The following MCTP1 variants were observed in gnomAD, a reference collection of about 807,000 sequenced individuals.
The protein encoded by MCTP1 is multiple C2 and transmembrane domain-containing protein 1.
Under a neutral mutation model 120.6 loss-of-function variants are expected in MCTP1, and 69 were observed. That is an observed-to-expected ratio of 0.57 (90% CI 0.47 to 0.70). The LOEUF (loss-of-function observed/expected upper bound fraction) is 0.70, where lower values mean the gene tolerates loss of function less well. MCTP1 is among the 30% of genes least tolerant of loss of function. The pLI, the probability that MCTP1 is intolerant of heterozygous loss-of-function variation, is 0.00. For synonymous variants in MCTP1, 529 were observed against 493.1 expected (o/e 1.07, Z -0.96); for missense variants, 1,203 against 1,248.8 (o/e 0.96, Z 0.55).
At chr5:95,114,337 C>T in intron 1 of MCTP1, among the ~76,000 whole-genome samples, 1 of 152,214 alleles carries the variant, frequency 6.6e-6, no homozygotes, top group East Asian at 1.9e-4. Flanking sequence ...AACAGAGCAC[C>T]AAGCAGGCTA....
intron 1 of MCTP1, among the ~76,000 whole-genome samples, chr5:95,035,121 G>A (rs1841038156): frequency 2.0e-5 from 3 of 151,908 alleles, no homozygotes; most frequent in Admixed American, 2.0e-4. Context: ...CACTGTTGGT[G>A]GGAATATAAA....
At chr5:95,051,476 G>T (rs1745879680) in intron 1 of MCTP1, among the ~76,000 whole-genome samples, 1 of 152,036 alleles carries the variant, frequency 6.6e-6, no homozygotes. Context: ...ACCTACCAGG[G>T]GAACACTCTG....
Position 94,889,092 on chromosome 5 carries a change from TTAAAC to T in MCTP1, c.1840-125_1840-121del, listed in dbSNP as rs1801959437. 3 of 602,212 alleles carry T rather than the reference TTAAAC, an allele frequency of 5.0e-6. No individual in the cohort carries two copies. The East Asian group carries it at 8.6e-5, about 17-fold the overall frequency. 37.3% of individuals were successfully genotyped at this position (602,212 alleles called of 1,614,324 possible). A position where few individuals can be genotyped will look rare whatever the true frequency, so the allele number is the denominator to read the frequency against. On this transcript the variant is annotated intron_variant, in intron 11 of 22. Coordinates refer to ENST00000515393, the MANE Select transcript of MCTP1 (RefSeq NM_024717.7). ...GACTCTGGGGGTAAGAAGATCAACA[TTAAAC>T]TAACTAATTTTTTTTTTTACTGTTT...
intron 1 of MCTP1, among the ~76,000 whole-genome samples, chr5:95,038,592 C>G (rs1214112213): frequency 1.3e-5 from 2 of 152,062 alleles, no homozygotes; most frequent in African/African-American, 4.8e-5. Context: ...CCAGAGAAAC[C>G]TGACAAACTA....
intron 1 of MCTP1, among the ~76,000 whole-genome samples, chr5:95,151,797 T>C (rs1333355233): frequency 6.6e-6 from 1 of 152,194 alleles, no homozygotes; most frequent in Non-Finnish European, 1.5e-5. Context: ...GTCTCTTACT[T>C]TGGCATTTCC....
intron 1 of MCTP1, among the ~76,000 whole-genome samples, chr5:95,139,531 C>A (rs928104669): frequency 4.6e-5 from 7 of 152,112 alleles, no homozygotes; most frequent in African/African-American, 1.7e-4. Context: ...TTTTCCAAAG[C>A]TATTTTAGCC....
At chr5:94,799,473 C>A (rs1417218889) in intron 17 of MCTP1, among the ~76,000 whole-genome samples, 5 of 152,104 alleles carry the variant, frequency 3.3e-5, no homozygotes, top group Non-Finnish European at 7.4e-5. Context: ...GCTACACTGT[C>A]AGAAATACCC....
intron 1 of MCTP1, among the ~76,000 whole-genome samples, chr5:95,279,884 T>C (rs1450764557): frequency 2.0e-5 from 3 of 152,216 alleles, no homozygotes; most frequent in African/African-American, 7.2e-5. Context: ...ACTTTCAATA[T>C]GAAAGGGGTC....
At chr5:94,751,732 G>A (rs147086077) in intron 19 of MCTP1, among the ~76,000 whole-genome samples, 2,466 of 152,166 alleles carry the variant, frequency 0.016, 27 homozygotes, top group Middle Eastern at 0.044. Context: ...CCTTGATTGC[G>A]CACAATGCTG....
At chr5:94,724,834 C>T (rs1297508831) in intron 19 of MCTP1, among the ~76,000 whole-genome samples, 2 of 152,114 alleles carry the variant, frequency 1.3e-5, no homozygotes, top group Non-Finnish European at 2.9e-5. Context: ...CCATCTCAGG[C>T]TTTTGTCCCA....
chr5:94,859,136 C>A (rs1339880149), intron 17 of MCTP1, among the ~76,000 whole-genome samples: 2 of 151,634 alleles, frequency 1.3e-5, no homozygotes, highest in African/African-American at 2.4e-5. Flanking sequence ...TGGTAGAAGT[C>A]TGATACTCTG....
intron 1 of MCTP1, among the ~76,000 whole-genome samples, chr5:95,024,833 T>C (rs1298783664): frequency 1.3e-5 from 2 of 152,006 alleles, no homozygotes; most frequent in East Asian, 3.8e-4. Context: ...TACAATATCA[T>C]AAAAAATACT....
intron 1 of MCTP1, among the ~76,000 whole-genome samples, chr5:95,029,579 T>C (rs573330099): frequency 6.6e-6 from 1 of 152,158 alleles, no homozygotes; most frequent in Non-Finnish European, 1.5e-5. Context: ...GAATCCGGCA[T>C]AGATTGACTC....
chr5:94,759,477 T>C (rs902889166), intron 19 of MCTP1, among the ~76,000 whole-genome samples: 14 of 152,184 alleles, frequency 9.2e-5, no homozygotes, highest in African/African-American at 3.1e-4. Context: ...GCTAATATAG[T>C]GCATTAAAAA....
intron 19 of MCTP1, among the ~76,000 whole-genome samples, chr5:94,766,091 A>T (rs1480210177): frequency 1.3e-5 from 2 of 152,064 alleles, no homozygotes; most frequent in Non-Finnish European, 2.9e-5. Flanking sequence ...CTAAAAACAC[A>T]AAAAAATTAG....
At chr5:95,133,157 A>T (rs1352149930) in intron 1 of MCTP1, among the ~76,000 whole-genome samples, 1 of 152,224 alleles carries the variant, frequency 6.6e-6, no homozygotes, top group South Asian at 2.1e-4. Flanking sequence ...AAAAATGCCC[A>T]TTAGAAAAAT....
chr5:94,896,916 T>C (rs1057358210), intron 10 of MCTP1, among the ~76,000 whole-genome samples: 1 of 152,112 alleles, frequency 6.6e-6, no homozygotes, highest in African/African-American at 2.4e-5. Context: ...AGTTAGTTAT[T>C]AGCAGAGCCC....
chr5:95,128,180 C>T (rs558265196), intron 1 of MCTP1, among the ~76,000 whole-genome samples: 3 of 152,304 alleles, frequency 2.0e-5, no homozygotes, highest in African/African-American at 7.2e-5. Context: ...TCTAAAGCTC[C>T]ATGGCAAGGT....
intron 1 of MCTP1, among the ~76,000 whole-genome samples, chr5:95,117,736 C>T (rs1757924156): frequency 6.6e-6 from 1 of 152,054 alleles, no homozygotes; most frequent in South Asian, 2.1e-4. Flanking sequence ...CAGCACTATT[C>T]ACAATAGAAA....
Sources: gnomAD v4.1 joint callset for allele counts (sites outside exome capture counted in the v4.1 genomes callset) on GRCh38, gnomAD v4.1.1 for gene constraint, MANE v1.5 for transcripts, NCBI Gene and HGNC (gene_info 2026-07-23, HGNC 2026-07-21) for gene names.